BRINP3: variants seen among roughly 807,000 people sequenced by gnomAD.
BRINP3 encodes BMP/retinoic acid inducible neural specific 3.
In BRINP3, 19 loss-of-function variants were observed where a neutral mutation model predicts 71.0. The ratio of observed to expected loss-of-function variants is 0.27; its 90% CI spans 0.19 to 0.39. BRINP3 has a LOEUF of 0.39. Ranked by LOEUF, BRINP3 falls within the 10% of genes least tolerant of loss-of-function variation. The pLI is 1.00. For missense variants in BRINP3, 959 were observed against 940.8 expected (o/e 1.02, Z -0.25); for synonymous variants, 380 against 337.7 (o/e 1.13, Z -1.37).
At chr1:190,170,561 G>T (rs1208268851) in intron 6 of BRINP3, among the ~76,000 whole-genome samples, 4 of 152,036 alleles carry the variant, frequency 2.6e-5, no homozygotes, top group Non-Finnish European at 4.4e-5. Context: ...AATGACTCAA[G>T]TGGGTAAAAA....
chr1:190,097,770 A>G lies in BRINP3; in HGVS notation c.*248T>C. 3 of 394,076 alleles carry G rather than the reference A, an allele frequency of 7.6e-6. No individual in the cohort carries two copies. The Admixed American group carries it at 1.2e-4, about 16-fold the overall frequency. The allele number at this position is 394,076 out of a possible 1,614,324, so 24.4% of individuals were successfully genotyped here. ...ACGGAACATATAAAATTACAAATGA[A>G]ATTTATTGTAAAAAGTAGAATGTCT... is the stretch of plus-strand genomic sequence containing the variant. On this transcript the variant is annotated 3_prime_UTR_variant, in exon 8 of 8. Coordinates refer to ENST00000367462, the MANE Select transcript of BRINP3 (RefSeq NM_199051.3).
chr1:190,402,462 G>C (rs376460061), intron 2 of BRINP3, among the ~76,000 whole-genome samples: 6 of 152,052 alleles, frequency 3.9e-5, no homozygotes, highest in East Asian at 3.9e-4. Context: ...TTTACTTACA[G>C]AAATCATTCT....
At chr1:190,114,605 T>C (rs1652976873) in intron 7 of BRINP3, among the ~76,000 whole-genome samples, 1 of 151,742 alleles carries the variant, frequency 6.6e-6, no homozygotes, top group Non-Finnish European at 1.5e-5. Flanking sequence ...AAATACATTG[T>C]AATTATATTA....
intron 2 of BRINP3, among the ~76,000 whole-genome samples, chr1:190,403,204 A>ATAT (rs1303668964): frequency 1.3e-5 from 2 of 152,218 alleles, no homozygotes; most frequent in Non-Finnish European, 2.9e-5. Flanking sequence ...AACTTATTTA[A>ATAT]TATTGTATTT....
chr1:190,386,122 A>C (rs10737587), intron 2 of BRINP3, among the ~76,000 whole-genome samples: 104,841 of 139,408 alleles, frequency 0.75, 39,641 homozygotes, highest in Non-Finnish European at 0.79. Flanking sequence ...GGAGATATAC[A>C]TAATGCTAGA....
chr1:190,382,565 C>G (rs1016191787), intron 2 of BRINP3, among the ~76,000 whole-genome samples: 1 of 152,014 alleles, frequency 6.6e-6, no homozygotes, highest in Admixed American at 6.6e-5. Flanking sequence ...TTAATCTTCC[C>G]GAGGAAAAGA....
intron 6 of BRINP3, among the ~76,000 whole-genome samples, chr1:190,211,312 A>G (rs1053197799): frequency 1.5e-4 from 23 of 152,204 alleles, no homozygotes; most frequent in African/African-American, 5.5e-4. Context: ...TAATATATTC[A>G]TATATCCTAC....
At chr1:190,382,584 C>G (rs1670618265) in intron 2 of BRINP3, among the ~76,000 whole-genome samples, 1 of 152,112 alleles carries the variant, frequency 6.6e-6, no homozygotes, top group Non-Finnish European at 1.5e-5. Flanking sequence ...GACAATCTAC[C>G]TTGGGCAAAT....
chr1:190,326,887 A>G (rs1410608257), intron 2 of BRINP3, among the ~76,000 whole-genome samples: 2 of 151,982 alleles, frequency 1.3e-5, no homozygotes, highest in Non-Finnish European at 2.9e-5. Context: ...AAAAGAAACC[A>G]CACATTAGAA....
rs759368713 is a variant in BRINP3 at position 190,410,758 on chromosome 1, G to A, written c.236+43897C>T. Among the ~76,000 whole-genome samples, 83 of 152,066 alleles carry A rather than the reference G, an allele frequency of 5.5e-4. 1 individual carries two copies. Among genetic ancestry groups the A allele is most frequent in the Non-Finnish European group, 7.4e-5 (5 of 67,970 alleles). On this transcript the variant is annotated intron_variant, in intron 2 of 7. Coordinates refer to ENST00000367462, the MANE Select transcript of BRINP3 (RefSeq NM_199051.3). ...TTAACAAAGTGCAATGCAGCTAAAG[G>A]TAAAGTAGGGAGAGGACATTGAATA...
At chr1:190,245,245 C>CTT (rs544846382) in intron 4 of BRINP3, among the ~76,000 whole-genome samples, 2 of 141,534 alleles carry the variant, frequency 1.4e-5, no homozygotes, top group African/African-American at 2.6e-5. Flanking sequence ...CATTTCTTTT[C>CTT]TTTTTTTTTT....
intron 2 of BRINP3, among the ~76,000 whole-genome samples, chr1:190,376,503 C>T (rs138940548): frequency 8.5e-5 from 13 of 152,102 alleles, no homozygotes; most frequent in African/African-American, 2.4e-4. Flanking sequence ...ATGTGGAAGA[C>T]GCTGCTGTAA....
intron 6 of BRINP3, among the ~76,000 whole-genome samples, chr1:190,177,511 TAGTC>T (rs959481783): frequency 1.1e-4 from 17 of 151,660 alleles, no homozygotes; most frequent in African/African-American, 3.6e-4. Context: ...ATTTCTGTAA[TAGTC>T]AGGAAAGAAA....
In BRINP3 at chr1:190,324,037, A is replaced by G. The variant is rs182950765; in HGVS notation, c.237-42287T>C. Among the ~76,000 whole-genome samples, 16 of 152,102 alleles carry G rather than the reference A, an allele frequency of 1.1e-4. No homozygotes were observed. The East Asian group carries it at 1.7e-3, about 17-fold the overall frequency. The stretch of plus-strand genomic sequence containing the variant: ...ACTGCTTTTTGTCCATTTACAGGGT[A>G]AGAACAATTAAAACTGTTTTAAACC... On this transcript the variant is annotated intron_variant, in intron 2 of 7. Transcript: ENST00000367462.
At chr1:190,102,236 G>A (rs749945437) in intron 7 of BRINP3, among the ~76,000 whole-genome samples, 36 of 152,082 alleles carry the variant, frequency 2.4e-4, no homozygotes, top group Admixed American at 4.6e-4. Context: ...TAAGCAAATT[G>A]CAGAATTGTA....
In BRINP3 at chr1:190,466,139, GT is replaced by G. The variant is rs397949306; in HGVS notation, c.-50-11200del. On this transcript the variant is annotated intron_variant, in intron 1 of 7. Transcript: ENST00000367462. ...GTGTGCTCAATTTCAGTTTTACAAAGTTTTTTTTTTTTTCTTTAACAATGAT... is the reference window on the plus strand; with the variant it reads ...GTGTGCTCAATTTCAGTTTTACAAAGTTTTTTTTTTTTCTTTAACAATGAT... Among the ~76,000 whole-genome samples, 231 of 147,140 alleles carry G rather than the reference GT, an allele frequency of 1.6e-3. 1 individual carries two copies. The highest frequency in any genetic ancestry group is 3.8e-3 in the South Asian group (18 of 4,698).
chr1:190,174,983 A>T (rs1652374538), intron 6 of BRINP3, among the ~76,000 whole-genome samples: 1 of 152,098 alleles, frequency 6.6e-6, no homozygotes, highest in Non-Finnish European at 1.5e-5. Context: ...GAAAATCACC[A>T]TTACTATCCT....
At chr1:190,117,155 A>T (rs746018208) in intron 7 of BRINP3, among the ~76,000 whole-genome samples, 23 of 152,092 alleles carry the variant, frequency 1.5e-4, no homozygotes, top group Non-Finnish European at 2.2e-4. Flanking sequence ...TGTTATTTAC[A>T]ATCAATTAAG....
At chr1:190,165,898 C>T (rs1345134809) in intron 6 of BRINP3, among the ~76,000 whole-genome samples, 1 of 152,118 alleles carries the variant, frequency 6.6e-6, no homozygotes, top group African/African-American at 2.4e-5. Context: ...TGAAATGGCA[C>T]CTGCTCCTCC....
Sources: allele counts gnomAD v4.1 joint callset (sites outside exome capture counted in the v4.1 genomes callset), GRCh38; gene constraint gnomAD v4.1.1; transcripts MANE v1.5; gene names NCBI Gene and HGNC (gene_info 2026-07-23, HGNC 2026-07-21).